The following DLGAP1 variants were observed in gnomAD, a reference collection of about 807,000 sequenced individuals.
DLGAP1 encodes the protein disks large-associated protein 1.
A neutral mutation model predicts 90.8 loss-of-function variants in DLGAP1; 11 were observed. The observed-to-expected ratio is 0.12, with a 90% CI of 0.08 to 0.20. DLGAP1 has a LOEUF of 0.20. Among genes scored for constraint, DLGAP1 ranks in the 10% least tolerant of loss-of-function variants. DLGAP1 has a pLI of 1.00. For missense variants in DLGAP1, 1,050 were observed against 1,333.8 expected (o/e 0.79, Z 3.31); for synonymous variants, 558 against 540.7 (o/e 1.03, Z -0.44).
chr18:4,309,393 C>T (rs551153736), intron 1 of DLGAP1, among the ~76,000 whole-genome samples: 1 of 152,074 alleles, frequency 6.6e-6, no homozygotes, highest in Admixed American at 6.5e-5. Context: ...GTTTCAAAAG[C>T]AAGAGAGTGC....
chr18:3,774,597 G>C (rs1568113600), intron 5 of DLGAP1: 2 of 152,230 alleles, frequency 1.3e-5, no homozygotes, highest in Non-Finnish European at 2.9e-5. Flanking sequence ...ACGGGCTAGT[G>C]GGGGATAGTG....
chr18:4,212,975 A>G (rs184074063), intron 1 of DLGAP1, among the ~76,000 whole-genome samples: 256 of 152,298 alleles, frequency 1.7e-3, no homozygotes, highest in African/African-American at 5.7e-3. Flanking sequence ...TGGCAAATAA[A>G]TTATATTTAC....
At chr18:3,783,704 A>G (rs2065310592) in intron 5 of DLGAP1, among the ~76,000 whole-genome samples, 1 of 152,220 alleles carries the variant, frequency 6.6e-6, no homozygotes, top group African/African-American at 2.4e-5. Flanking sequence ...GTGGTGGTGC[A>G]CAGCTGTGAA....
chr18:3,551,176 T>TATATATATATATATATATATATATAC (rs1478108279), intron 9 of DLGAP1, among the ~76,000 whole-genome samples: 1 of 4,132 alleles, frequency 2.4e-4, no homozygotes, highest in African/African-American at 3.3e-4. Flanking sequence ...TATATATATA[T>TATATATATATATATATATATATATAC]ACACATACAT....
At chr18:4,105,922 C>T (rs564579821) in intron 2 of DLGAP1, among the ~76,000 whole-genome samples, 1 of 150,948 alleles carries the variant, frequency 6.6e-6, no homozygotes, top group Admixed American at 6.7e-5. Flanking sequence ...GTCCCAGCTA[C>T]TCGGGAGGCC....
At position 3,923,856 on chromosome 18, in the gene DLGAP1, A is replaced by G. The variant is rs139656758; in HGVS notation, c.-72-43716T>C. On this transcript the variant is annotated intron_variant, in intron 3 of 12. Coordinates refer to ENST00000315677, the MANE Select transcript of DLGAP1 (RefSeq NM_004746.4). ...CACTTTTAGAAAGGAGAATCATAAA[A>G]TTACATCAAAGTCGTGGCATCTAAG... 7.9e-4 allele frequency among the ~76,000 whole-genome samples: 121 copies of G among 152,354 alleles called. 3 individuals are homozygous for G. The South Asian group carries it at 0.017, about 21-fold the overall frequency.
chr18:3,559,685 C>T (rs553232054), intron 9 of DLGAP1, among the ~76,000 whole-genome samples: 6 of 148,820 alleles, frequency 4.0e-5, no homozygotes, highest in Admixed American at 2.0e-4. Flanking sequence ...TGCAGTGGCA[C>T]GATCTCAGCT....
rs1413715062 is a variant in DLGAP1, at chr18:3,763,908, C to T, written c.1173-21396G>A. Among the ~76,000 whole-genome samples, 8 of 152,260 alleles carry T rather than the reference C, an allele frequency of 5.3e-5. No individual in the cohort carries two copies. In the East Asian group the frequency reaches 1.5e-3, roughly 29 times the overall value. ...AACTACTGACCTCAGGTGATCCACC[C>T]ATCTCGGCCTCCCAAAGTGCTGGGA... is the stretch of plus-strand genomic sequence containing the variant. On this transcript the variant is annotated intron_variant, in intron 5 of 12. Coordinates refer to ENST00000315677, the MANE Select transcript of DLGAP1 (RefSeq NM_004746.4).
chr18:3,741,840 TC>T (rs2063063419), intron 6 of DLGAP1, among the ~76,000 whole-genome samples: 1 of 117,266 alleles, frequency 8.5e-6, no homozygotes, highest in Non-Finnish European at 1.8e-5. Flanking sequence ...GTTTTCTTTT[TC>T]TTTTTCTTTT....
At chr18:3,519,577 G>A (rs149517622) in intron 10 of DLGAP1, among the ~76,000 whole-genome samples, 91 of 152,304 alleles carry the variant, frequency 6.0e-4, no homozygotes, top group African/African-American at 2.1e-3. Context: ...CAAAATATAT[G>A]TTGAAACTGA....
intron 1 of DLGAP1, among the ~76,000 whole-genome samples, chr18:4,152,370 A>G (rs1264113830): frequency 2.6e-5 from 4 of 152,200 alleles, no homozygotes; most frequent in Non-Finnish European, 5.9e-5. Context: ...TAGTGCTTAA[A>G]TGAGTGTGGA....
At chr18:3,740,016 TC>T (rs2062833576) in intron 6 of DLGAP1, among the ~76,000 whole-genome samples, 1 of 152,122 alleles carries the variant, frequency 6.6e-6, no homozygotes, top group Non-Finnish European at 1.5e-5. Flanking sequence ...CTAAAGAAGG[TC>T]AAATGTGCAG....
intron 7 of DLGAP1, among the ~76,000 whole-genome samples, chr18:3,651,365 A>G (rs2059296760): frequency 6.6e-6 from 1 of 152,186 alleles, no homozygotes; most frequent in African/African-American, 2.4e-5. Context: ...CTAAAAAACA[A>G]AAACAAACAA....
chr18:4,166,902 T>G (rs780555616), intron 1 of DLGAP1, among the ~76,000 whole-genome samples: 8 of 152,206 alleles, frequency 5.3e-5, no homozygotes, highest in Non-Finnish European at 1.2e-4. Context: ...TTCTTGCTTG[T>G]TGGATACAGA....
chr18:4,295,925 G>C (rs1028462734), intron 1 of DLGAP1, among the ~76,000 whole-genome samples: 1 of 152,168 alleles, frequency 6.6e-6, no homozygotes, highest in Non-Finnish European at 1.5e-5. Context: ...AAAGTAATGA[G>C]AGTCAACACA....
intron 10 of DLGAP1, among the ~76,000 whole-genome samples, chr18:3,527,041 C>T (rs530932655): frequency 6.6e-6 from 1 of 152,102 alleles, no homozygotes; most frequent in East Asian, 1.9e-4. Flanking sequence ...GAACTAAAGT[C>T]TTTGCTCTGC....
At chr18:4,114,749 G>C (rs73384794) in intron 2 of DLGAP1, among the ~76,000 whole-genome samples, 19 of 151,696 alleles carry the variant, frequency 1.3e-4, no homozygotes, top group Admixed American at 6.6e-4. Flanking sequence ...TATGTATGTC[G>C]TCTCATATTT....
rs138655722 is a variant in DLGAP1 at position 4,064,351 on chromosome 18, G to A, written c.-158-59150C>T. Among the ~76,000 whole-genome samples the A allele has an allele frequency of 5.3e-4, 81 of 151,876 alleles. No homozygotes were observed. The East Asian group carries it at 0.015, about 28-fold the overall frequency. ...ATTCCAAAGTTAATTTGAAAAACTA[G>A]TTCAGTGAAAGAGATAGAGACACAT... On this transcript the variant is annotated intron_variant, in intron 2 of 12. Transcript: ENST00000315677.
intron 7 of DLGAP1, among the ~76,000 whole-genome samples, chr18:3,698,438 C>G (rs896017742): frequency 2.6e-5 from 4 of 152,186 alleles, no homozygotes; most frequent in Non-Finnish European, 5.9e-5. Flanking sequence ...TTCTTCTTCA[C>G]TTAAGAAGCT....
Sources: gnomAD v4.1 joint callset for allele counts (sites outside exome capture counted in the v4.1 genomes callset) on GRCh38, gnomAD v4.1.1 for gene constraint, MANE v1.5 for transcripts, NCBI Gene and HGNC (gene_info 2026-07-23, HGNC 2026-07-21) for gene names.